Variants in CTNND2 observed in about 807,000 individuals in gnomAD.
The protein encoded by CTNND2 is catenin delta 2, also known as catenin delta-2.
CTNND2 carries 22 observed loss-of-function variants against 144.4 expected under a neutral mutation model. That is an observed-to-expected ratio of 0.15 (90% CI 0.11 to 0.22). The LOEUF (loss-of-function observed/expected upper bound fraction) is 0.22, where lower values mean the gene tolerates loss of function less well. Among genes scored for constraint, CTNND2 ranks in the 10% least tolerant of loss-of-function variants. The pLI is 1.00. For synonymous variants in CTNND2, 751 were observed against 695.6 expected, an observed-to-expected ratio of 1.08 and a Z score of -1.25; for missense variants, 1,353 against 1,618.8, an observed-to-expected ratio of 0.84 and a Z score of 2.82.
At chr5:11,788,295 CAG>C (rs79362529) in intron 1 of CTNND2, among the ~76,000 whole-genome samples, 134,306 of 152,210 alleles carry the variant, frequency 0.88, 61,174 homozygotes, top group South Asian at 0.99. Context: ...TTGCACAAGA[CAG>C]TGTGCTAAGG....
At chr5:11,686,617 C>T (rs1017306604) in intron 2 of CTNND2, among the ~76,000 whole-genome samples, 2 of 151,890 alleles carry the variant, frequency 1.3e-5, no homozygotes, top group African/African-American at 2.4e-5. Flanking sequence ...AAGTATAGGT[C>T]TTGCTGATGA....
intron 3 of CTNND2, among the ~76,000 whole-genome samples, chr5:11,491,827 A>T (rs1215116304): frequency 1.3e-5 from 2 of 152,192 alleles, no homozygotes; most frequent in East Asian, 3.9e-4. Flanking sequence ...GTTTTAAATA[A>T]CATATCTGAG....
At chr5:11,271,519 C>T (rs1406944221) in intron 9 of CTNND2, among the ~76,000 whole-genome samples, 6 of 151,898 alleles carry the variant, frequency 4.0e-5, no homozygotes, top group African/African-American at 1.2e-4. Flanking sequence ...ATATATGGTC[C>T]GCTTTTCAAA....
At chr5:11,711,304 G>T (rs960110079) in intron 2 of CTNND2, among the ~76,000 whole-genome samples, 1 of 152,092 alleles carries the variant, frequency 6.6e-6, no homozygotes, top group African/African-American at 2.4e-5. Flanking sequence ...TGATGCACCC[G>T]CCTTGGCCTC....
chr5:11,020,642 G>A (rs1742143841), intron 17 of CTNND2, among the ~76,000 whole-genome samples: 1 of 152,164 alleles, frequency 6.6e-6, no homozygotes. Flanking sequence ...TTTAAGAGCA[G>A]TGAAAAGCAA....
At chr5:11,495,834 A>G (rs1296129450) in intron 3 of CTNND2, among the ~76,000 whole-genome samples, 1 of 152,128 alleles carries the variant, frequency 6.6e-6, no homozygotes, top group Non-Finnish European at 1.5e-5. Flanking sequence ...GAGGGTGAGG[A>G]CACCTAGGCC....
chr5:11,360,580 A>G (rs1756348925), intron 8 of CTNND2, among the ~76,000 whole-genome samples: 1 of 152,168 alleles, frequency 6.6e-6, no homozygotes, highest in Non-Finnish European at 1.5e-5. Flanking sequence ...GTGTGATTCC[A>G]TCCAAATCCA....
chr5:10,987,343 T>C (rs6554616), intron 20 of CTNND2, among the ~76,000 whole-genome samples: 59,702 of 151,962 alleles, frequency 0.39, 12,139 homozygotes, highest in African/African-American at 0.49. Context: ...AGCCCTGTTA[T>C]CAGATGGGCT....
rs182095938 is a variant in CTNND2, at chr5:11,242,014, C to T, written c.1629-5191G>A. 1.9e-3 allele frequency among the ~76,000 whole-genome samples: 287 copies of T among 150,144 alleles called. 1 individual carries two copies. Among genetic ancestry groups the T allele is most frequent in the African/African-American group, 6.5e-3 (265 of 40,688 alleles). ...AGGGGATGGGGGCCTCCAGAGAGGA[C>T]GGCTGTCTGGGAACAGGGGGAGTTG... On this transcript the variant is annotated intron_variant, in intron 9 of 21. Transcript: ENST00000304623.
At chr5:11,183,685 C>A (rs1580520797) in intron 11 of CTNND2, among the ~76,000 whole-genome samples, 1 of 151,798 alleles carries the variant, frequency 6.6e-6, no homozygotes, top group South Asian at 2.1e-4. Flanking sequence ...AGCCTCCTGA[C>A]TAGCTGAGAT....
At chr5:11,157,560 A>G (rs1758337523) in intron 12 of CTNND2, among the ~76,000 whole-genome samples, 1 of 152,228 alleles carries the variant, frequency 6.6e-6, no homozygotes, top group Non-Finnish European at 1.5e-5. Flanking sequence ...CCCAACACAA[A>G]GCAGGTGGTC....
intron 2 of CTNND2, among the ~76,000 whole-genome samples, chr5:11,685,749 CAA>C (rs775543151): frequency 6.6e-6 from 1 of 152,190 alleles, no homozygotes; most frequent in Non-Finnish European, 1.5e-5. Context: ...TTGATCTCTA[CAA>C]AGAGTATCTC....
chr5:11,372,825 G>A (rs778571817), intron 7 of CTNND2, among the ~76,000 whole-genome samples: 9 of 152,160 alleles, frequency 5.9e-5, no homozygotes, highest in Non-Finnish European at 1.3e-4. Flanking sequence ...GCTGGTCCAC[G>A]GACCACCCTT....
At chr5:11,485,362 T>TGC (rs1351262021) in intron 3 of CTNND2, among the ~76,000 whole-genome samples, 3 of 126,192 alleles carry the variant, frequency 2.4e-5, no homozygotes, top group African/African-American at 7.9e-5. Flanking sequence ...TGTGTGTGTG[T>TGC]GTGTGTGTGT....
At position 11,384,502 on chromosome 5, in the gene CTNND2, A is replaced by G. The variant is rs1758836660; in HGVS notation, c.1177+163T>C. 2 of 627,880 alleles carry G rather than the reference A, an allele frequency of 3.2e-6. No individual in the cohort carries two copies. The highest frequency in any genetic ancestry group is 5.5e-6 in the Non-Finnish European group (2 of 363,628). 38.9% of individuals were successfully genotyped at this position (627,880 alleles called of 1,614,324 possible). On this transcript the variant is annotated intron_variant, in intron 7 of 21. Coordinates refer to ENST00000304623, the MANE Select transcript of CTNND2 (RefSeq NM_001332.4). This position sits in a 1 kb window ranked among gnomAD's most constrained non-coding sequence, Gnocchi z 5.2. ...AAGTCACTGACAAACTGTAGGGAAG[A>G]TACTGACTTGTTCCAGGAAAGCCCT...
At position 11,809,402 on chromosome 5, in the gene CTNND2, T is replaced by G. The variant is rs61761650; in HGVS notation, c.38-77130A>C. On this transcript the variant is annotated intron_variant, in intron 1 of 21. Coordinates refer to ENST00000304623, the MANE Select transcript of CTNND2 (RefSeq NM_001332.4). ...GGGATTCTAACTTAGTCATCTTTAC[T>G]TAGAATATCTACCAAGAAAATTATT... is the stretch of plus-strand genomic sequence containing the variant. Among the ~76,000 whole-genome samples the G allele has an allele frequency of 4.1e-3, 629 of 152,324 alleles. 2 individuals are homozygous for G. The highest frequency in any genetic ancestry group is 6.6e-3 in the Non-Finnish European group (448 of 68,018).
intron 21 of CTNND2, among the ~76,000 whole-genome samples, chr5:10,981,276 T>C (rs1284256591): frequency 6.6e-6 from 1 of 152,194 alleles, no homozygotes; most frequent in African/African-American, 2.4e-5. Context: ...CTACAATGCA[T>C]TTCATGTATT....
intron 3 of CTNND2, among the ~76,000 whole-genome samples, chr5:11,473,085 A>G (rs1015997658): frequency 5.3e-5 from 8 of 152,212 alleles, no homozygotes; most frequent in African/African-American, 1.9e-4. Context: ...AGAAAGAAAG[A>G]AAGAAAAAAT....
chr5:11,678,801 C>T (rs749809125), intron 2 of CTNND2, among the ~76,000 whole-genome samples: 61 of 152,036 alleles, frequency 4.0e-4, no homozygotes, highest in Middle Eastern at 3.4e-3. Context: ...TAAAATGTTC[C>T]GGCCTATATA....
Sources: allele counts gnomAD v4.1 joint callset (sites outside exome capture counted in the v4.1 genomes callset), GRCh38; gene constraint gnomAD v4.1.1; non-coding constraint Gnocchi (gnomAD v3.1); transcripts MANE v1.5; gene names NCBI Gene and HGNC (gene_info 2026-07-23, HGNC 2026-07-21).